The following SZT2 variants were observed in gnomAD, a reference collection of about 807,000 sequenced individuals.
The protein encoded by SZT2 is SZT2 subunit of KICSTOR complex, also known as KICSTOR complex protein SZT2.
SZT2 carries 216 observed loss-of-function variants against 404.2 expected under a neutral mutation model. The observed-to-expected ratio is 0.53, with a 90% CI of 0.48 to 0.60. The LOEUF (loss-of-function observed/expected upper bound fraction) is 0.60. Among genes scored for constraint, SZT2 ranks in the 20% least tolerant of loss-of-function variants. The pLI is 0.00. For missense variants in SZT2, 3,857 were observed against 4,459.2 expected, an observed-to-expected ratio of 0.86 and a Z score of 3.85; for synonymous variants, 1,693 against 1,749.9, an observed-to-expected ratio of 0.97 and a Z score of 0.81.
intron 1 of SZT2, among the ~76,000 whole-genome samples, chr1:43,397,651 C>G (rs1649166397): frequency 6.6e-6 from 1 of 151,764 alleles, no homozygotes; most frequent in African/African-American, 2.4e-5. Context: ...CCTCGGTCCC[C>G]TAAGTAGCTG....
chr1:43,418,739 T>C (rs1309215959), intron 7 of SZT2, among the ~76,000 whole-genome samples: 1 of 152,166 alleles, frequency 6.6e-6, no homozygotes, highest in Non-Finnish European at 1.5e-5. Flanking sequence ...GTTGTCTGAA[T>C]GTAGGGTCCA....
rs976320267 is a variant in SZT2, at chr1:43,430,185, G to A, written c.4401+82G>A. On this transcript the variant is annotated intron_variant, in intron 30 of 71. Coordinates refer to ENST00000634258, the MANE Select transcript of SZT2 (RefSeq NM_001365999.1). ...CCCTCTTGAGTCTTGGTTCCCTGAG[G>A]CCTGGATGTGGCTCTTGTCTTGCCT... 5.7e-6 allele frequency: 9 copies of A among 1,577,016 alleles called. No homozygotes were observed. In the South Asian group the frequency reaches 7.7e-5, roughly 14 times the overall value.
At chr1:43,419,572 G>A (rs1215061209) in intron 7 of SZT2, among the ~76,000 whole-genome samples, 162 bp from the exon 8 acceptor site, 1 of 152,190 alleles carries the variant, frequency 6.6e-6, no homozygotes, top group Non-Finnish European at 1.5e-5. Flanking sequence ...CTTAAGGAAG[G>A]AAAGACACAG....
At position 43,422,127 on chromosome 1, in the gene SZT2, G is replaced by A; in HGVS notation, c.1671G>A (p.Gln557=). The A allele has an allele frequency of 6.3e-7, 1 of 1,598,000 alleles. No homozygotes were observed. Among genetic ancestry groups the A allele is most frequent in the Non-Finnish European group, 8.5e-7 (1 of 1,179,488 alleles). The change falls in exon 12 of 72, where the codon CAG becomes CAA. Residue 557 remains glutamine (Q), a synonymous_variant. Transcript: ENST00000634258. ...QPSGSDSSHA[Q]FAAYWKPVLS... Reference sequence around the variant, plus strand: ...GTGGTTCTGACTCATCCCATGCCCAGTTTGCTGCCTACTGGAAGCCAGTGC... The same window carrying A: ...GTGGTTCTGACTCATCCCATGCCCAATTTGCTGCCTACTGGAAGCCAGTGC...
In SZT2 at chr1:43,443,009, G is replaced by T; in HGVS notation, c.8342G>T (p.Gly2781Val). The T allele has an allele frequency of 1.9e-6, 3 of 1,614,146 alleles. No homozygotes were observed. Among genetic ancestry groups the T allele is most frequent in the Non-Finnish European group, 2.5e-6 (3 of 1,180,016 alleles). ...ITAARPSSVLGPVPRPPDPVT... is the reference protein window; with the variant it reads ...ITAARPSSVLVPVPRPPDPVT... The stretch of plus-strand genomic sequence containing the variant: ...GCTGCCCGCCCCAGCTCCGTACTTG[G>T]TCCTGTGCCCAGACCTCCTGATCCT... Residue 2781 changes from glycine to valine, a missense_variant, in exon 59 of 72, where the codon GGT (glycine) becomes GTT (valine). Gly to Val is a moderately radical substitution (Grantham distance 109). Coordinates refer to ENST00000634258, the MANE Select transcript of SZT2 (RefSeq NM_001365999.1).
At chr1:43,410,813 T>C (rs1444154702) in intron 4 of SZT2, among the ~76,000 whole-genome samples, 8 of 151,376 alleles carry the variant, frequency 5.3e-5, no homozygotes, top group Non-Finnish European at 8.8e-5. Flanking sequence ...AGAACATGAG[T>C]CATTTGCTAT....
chr1:43,439,407 A>G lies in SZT2; in HGVS notation c.6842A>G (p.Tyr2281Cys). 1.9e-6 allele frequency: 3 copies of G among 1,613,316 alleles called. No individual in the cohort carries two copies. The highest frequency in any genetic ancestry group is 2.2e-5 in the South Asian group (2 of 90,894). Residue 2281 changes from tyrosine to cysteine, a missense_variant, in exon 49 of 72, where the codon TAT (tyrosine) becomes TGT (cysteine). Physicochemically the swap from Tyr to Cys is radical, Grantham distance 194. Around this residue, in one of 7 missense-constraint regions of SZT2, gnomAD observed 261 missense variants for 372.9 expected, o/e 0.70. Transcript: ENST00000634258. The surrounding 1 kb of genome is among the most constrained non-coding windows in gnomAD (Gnocchi z 4.2). ...GGLPDLDIYL[Y>C]NKPGGQGTGG... ...CTCCCTGACTTGGACATCTACTTGT[A>G]TAACAAGCCTGGTGGACAGGGCACT... is the stretch of plus-strand genomic sequence containing the variant.
intron 1 of SZT2, among the ~76,000 whole-genome samples, chr1:43,399,027 C>G (rs1649337212): frequency 6.6e-6 from 1 of 152,034 alleles, no homozygotes; most frequent in Non-Finnish European, 1.5e-5. Context: ...TTGCAGTGAG[C>G]CGAGATTGCG....
chr1:43,417,206 G>C (rs1327239357), intron 7 of SZT2, among the ~76,000 whole-genome samples: 1 of 152,214 alleles, frequency 6.6e-6, no homozygotes, highest in Non-Finnish European at 1.5e-5. Flanking sequence ...TTGCTGCTGG[G>C]TGAAGGACGG....
At chr1:43,432,000 A>G (rs1395071541) in intron 36 of SZT2, 99 bp downstream of exon 36, 1 of 1,412,456 alleles carries the variant, frequency 7.1e-7, no homozygotes, top group Non-Finnish European at 9.8e-7. Context: ...TCGAACTCAT[A>G]GAGTTATCCC....
chr1:43,390,468 C>T (rs903319610), intron 1 of SZT2, among the ~76,000 whole-genome samples: 2 of 152,338 alleles, frequency 1.3e-5, no homozygotes, highest in African/African-American at 2.4e-5. Context: ...ACTGAGACCT[C>T]GTTCCAATAT....
In SZT2 at chr1:43,430,059, A is replaced by G; in HGVS notation, c.4357A>G (p.Asn1453Asp). ...TCTCCACTTCCGCACAGTGCCTTCC[A>G]ATCCCCACTACTTCTTCTATTGCCC... ...SRLHFRTVPS[N>D]PHYFFYCPPS... The change falls in exon 30 of 72, where the codon AAT becomes GAT. Residue 1453 changes from asparagine (N) to aspartate (D), a missense_variant. Coordinates refer to ENST00000634258, the MANE Select transcript of SZT2 (RefSeq NM_001365999.1). The G allele has an allele frequency of 6.2e-7, 1 of 1,614,108 alleles. No individual in the cohort carries two copies.
intron 2 of SZT2, 51 bp downstream of exon 2, chr1:43,403,353 T>C (rs951651508): frequency 6.3e-7 from 1 of 1,582,586 alleles, no homozygotes. Flanking sequence ...GAAGGATCTG[T>C]TTTTTAGGAG....
chr1:43,422,559 C>G lies in SZT2; in HGVS notation c.1849C>G (p.Leu617Val). 6.3e-7 allele frequency: 1 copy of G among 1,598,250 alleles called. No individual in the cohort carries two copies. Among genetic ancestry groups the G allele is most frequent in the Non-Finnish European group, 8.5e-7 (1 of 1,179,736 alleles). Reference sequence around the variant, plus strand: ...CCAGTGCAGGATCTCCCACTCCTCCCTGACCTCTCTGCTGCGGGACTGGAG... The same window carrying G: ...CCAGTGCAGGATCTCCCACTCCTCCGTGACCTCTCTGCTGCGGGACTGGAG... ...TIQCRISHSSLTSLLRDWSSF... is the reference protein window; with the variant it reads ...TIQCRISHSSVTSLLRDWSSF... Residue 617 changes from leucine to valine, a missense_variant, in exon 13 of 72, where the codon CTG becomes GTG. By Grantham distance (32) the Leu-to-Val change is conservative. Around this residue, in one of 7 missense-constraint regions of SZT2, gnomAD observed 1,725 missense variants for 1,881.0 expected, o/e 0.92. Transcript: ENST00000634258.
In SZT2 at chr1:43,439,553, AG is replaced by A; in HGVS notation, c.6878-48del. 1 of 1,610,364 alleles carries A rather than the reference AG, an allele frequency of 6.2e-7. No individual in the cohort carries two copies. The highest frequency in any genetic ancestry group is 1.7e-5 in the Admixed American group (1 of 59,598). The stretch of plus-strand genomic sequence containing the variant: ...TTGCAGCTGAGTGGAGGGTCGTGGG[AG>A]GGGTGGTCTGCAAGTCCCAGAGCTG... On this transcript the variant is annotated intron_variant, in intron 49 of 71. Transcript: ENST00000634258. The surrounding 1 kb of genome is among the most constrained non-coding windows in gnomAD (Gnocchi z 4.2).
At position 43,451,918 on chromosome 1, in the gene SZT2, C is replaced by G. The variant is rs778630508; in HGVS notation, c.*1438C>G. ...GAATCAAAAGGGACAGAAGGAGAGA[C>G]AGGGCTGGGGTCGTACCCTGCTGGG... On this transcript the variant is annotated 3_prime_UTR_variant, in exon 72 of 72. Transcript: ENST00000634258. The G allele has an allele frequency of 2.6e-5, 42 of 1,612,996 alleles. No homozygotes were observed. In the Admixed American group the frequency reaches 6.0e-4, roughly 23 times the overall value.
rs1457354824 is a variant in SZT2 at position 43,443,348 on chromosome 1, C to G, written c.8500-4C>G. 1.2e-6 allele frequency: 2 copies of G among 1,614,188 alleles called. No individual in the cohort carries two copies. The highest frequency in any genetic ancestry group is 2.2e-5 in the East Asian group (1 of 44,874). On this transcript the variant is annotated splice_region_variant and splice_polypyrimidine_tract_variant and intron_variant, in intron 60 of 71. Transcript: ENST00000634258. The stretch of plus-strand genomic sequence containing the variant: ...GCTCCATGCTCACTGCCCTGTTTCC[C>G]CAGGCTGGAGAGCTGGAGACCCTGA...
At chr1:43,400,287 C>G (rs150474768) in intron 1 of SZT2, among the ~76,000 whole-genome samples, 144 of 152,252 alleles carry the variant, frequency 9.5e-4, no homozygotes, top group Non-Finnish European at 1.7e-3. Context: ...TACGCAAGTG[C>G]AACATATTGA....
chr1:43,390,692 CACAG>C (rs1194770450), intron 1 of SZT2, among the ~76,000 whole-genome samples: 1 of 152,322 alleles, frequency 6.6e-6, no homozygotes, highest in East Asian at 1.9e-4. Context: ...GTGGCATTCT[CACAG>C]AGGAGAAAAC....
Sources: gnomAD v4.1 joint callset for allele counts (sites outside exome capture counted in the v4.1 genomes callset) on GRCh38, gnomAD v4.1.1 for gene constraint, gnomAD v4.1.1 regional missense constraint, Gnocchi (gnomAD v3.1) non-coding constraint, MANE v1.5 for transcripts, NCBI Gene and HGNC (gene_info 2026-07-23, HGNC 2026-07-21) for gene names.